SYN3: variants seen among roughly 807,000 people sequenced by gnomAD.
SYN3 encodes the protein synapsin III.
A neutral mutation model predicts 65.8 loss-of-function variants in SYN3; 35 were observed. The ratio of observed to expected loss-of-function variants is 0.53; its 90% CI spans 0.41 to 0.70. The LOEUF (loss-of-function observed/expected upper bound fraction) is 0.70. Ranked by LOEUF, SYN3 falls within the 30% of genes least tolerant of loss-of-function variation. SYN3 has a pLI of 0.00. For synonymous variants in SYN3, 270 were observed against 292.9 expected, an observed-to-expected ratio of 0.92 and a Z score of 0.80; for missense variants, 680 against 749.0, an observed-to-expected ratio of 0.91 and a Z score of 1.08.
chr22:32,855,268 T>C (rs1385849998), intron 6 of SYN3, among the ~76,000 whole-genome samples: 4 of 152,220 alleles, frequency 2.6e-5, no homozygotes, highest in Admixed American at 2.6e-4. Context: ...ACTCATGGAC[T>C]TGACCTGGAA....
chr22:32,610,145 G>A (rs1186103693), intron 6 of SYN3, among the ~76,000 whole-genome samples: 2 of 152,080 alleles, frequency 1.3e-5, no homozygotes, highest in African/African-American at 2.4e-5. Flanking sequence ...GCTGGGTGTG[G>A]TGGTGGGTGC....
chr22:32,711,629 C>T lies in SYN3; in HGVS notation c.712-114893G>A, dbSNP rs1601959423. 2.0e-5 allele frequency among the ~76,000 whole-genome samples: 3 copies of T among 152,162 alleles called. No individual in the cohort carries two copies. The South Asian group carries it at 6.2e-4, about 32-fold the overall frequency. On this transcript the variant is annotated intron_variant, in intron 6 of 13. Coordinates refer to ENST00000358763, the MANE Select transcript of SYN3 (RefSeq NM_003490.4). ...TGTGCACCTGTACTCAAAATAACTG[C>T]CTATGCCTCTTCCTTCTTATCAACT...
intron 13 of SYN3, chr22:32,514,365 G>C (rs187947017): frequency 2.0e-5 from 3 of 152,372 alleles, no homozygotes; most frequent in Non-Finnish European, 4.4e-5. Flanking sequence ...TAGAGCGAAG[G>C]GTTTGTCCTG....
chr22:33,037,624 C>T (rs915780202), intron 1 of SYN3, among the ~76,000 whole-genome samples: 2 of 152,164 alleles, frequency 1.3e-5, no homozygotes, highest in South Asian at 2.1e-4. Flanking sequence ...CCTGATTTTA[C>T]GCTGAAGCAT....
chr22:32,989,925 C>T (rs1229586381), intron 2 of SYN3, among the ~76,000 whole-genome samples: 1 of 151,718 alleles, frequency 6.6e-6, no homozygotes, highest in Non-Finnish European at 1.5e-5. Flanking sequence ...CTCATTCCTA[C>T]AGATGTCTGC....
chr22:32,868,967 A>G lies in SYN3; in HGVS notation c.620T>C (p.Val207Ala), dbSNP rs1569290165. 1 of 1,613,266 alleles carries G rather than the reference A, an allele frequency of 6.2e-7. No homozygotes were observed. Among genetic ancestry groups the G allele is most frequent in the African/African-American group, 1.3e-5 (1 of 74,906 alleles). Residue 207 changes from valine to alanine, a missense_variant and splice_region_variant, in exon 5 of 14, where the codon GTG (valine) becomes GCG (alanine). Val to Ala is a moderately conservative substitution (Grantham distance 64). Transcript: ENST00000358763. ...AGGTCAGCCTGCCCTGTCACCTACCACCCAGGGCTTGCTGCAGAAGTTGTA... is the reference window on the plus strand; with the variant it reads ...AGGTCAGCCTGCCCTGTCACCTACCGCCCAGGGCTTGCTGCAGAAGTTGTA... ...SVYNFCSKPW[V>A]FSQLIKIFHS...
rs368522306 is a variant in SYN3, at chr22:32,559,816, C to T, written c.775-18103G>A. ...CTGCCCTCCAGCCTGGGAGACAGAGCGAGACTCCGTCTCAACAAAAAAAAA... is the reference window on the plus strand; with the variant it reads ...CTGCCCTCCAGCCTGGGAGACAGAGTGAGACTCCGTCTCAACAAAAAAAAA... On this transcript the variant is annotated intron_variant, in intron 7 of 13. Coordinates refer to ENST00000358763, the MANE Select transcript of SYN3 (RefSeq NM_003490.4). Among the ~76,000 whole-genome samples the T allele has an allele frequency of 3.6e-4, 52 of 144,358 alleles. No homozygotes were observed. In the South Asian group the frequency reaches 0.01, roughly 29 times the overall value. The allele number at this position is 144,358 out of a possible 152,430, so 94.7% of individuals were successfully genotyped here. A position where few individuals can be genotyped will look rare whatever the true frequency, so the allele number is the denominator to read the frequency against.
At chr22:33,047,348 G>A (rs2145959494) in intron 1 of SYN3, among the ~76,000 whole-genome samples, 1 of 152,254 alleles carries the variant, frequency 6.6e-6, no homozygotes, top group East Asian at 1.9e-4. Flanking sequence ...ACACCCAAGA[G>A]ACGAACACTC....
chr22:32,989,727 C>T (rs1321836170), intron 2 of SYN3, among the ~76,000 whole-genome samples: 2 of 149,510 alleles, frequency 1.3e-5, no homozygotes, highest in Admixed American at 6.8e-5. Flanking sequence ...CCCAGCTACT[C>T]GGGAGGCTGA....
At chr22:33,039,979 T>A (rs949769152) in intron 1 of SYN3, among the ~76,000 whole-genome samples, 1 of 152,030 alleles carries the variant, frequency 6.6e-6, no homozygotes, top group Non-Finnish European at 1.5e-5. Context: ...AGTGGCTCCA[T>A]CTCTTGTATT....
At position 32,672,959 on chromosome 22, in the gene SYN3, A is replaced by G. The variant is rs2147073901; in HGVS notation, c.712-76223T>C. Among the ~76,000 whole-genome samples, 3 of 152,250 alleles carry G rather than the reference A, an allele frequency of 2.0e-5. No homozygotes were observed. The South Asian group carries it at 6.2e-4, about 32-fold the overall frequency. ...GGCAGAAAGAAGTGGCTGTTGTTTT[A>G]CCAGGGCTGGCACCTGGTTAGGACG... On this transcript the variant is annotated intron_variant, in intron 6 of 13. Coordinates refer to ENST00000358763, the MANE Select transcript of SYN3 (RefSeq NM_003490.4).
At chr22:32,690,014 A>G (rs1337837311) in intron 6 of SYN3, among the ~76,000 whole-genome samples, 1 of 152,154 alleles carries the variant, frequency 6.6e-6, no homozygotes, top group Non-Finnish European at 1.5e-5. Context: ...CGTCTCTACT[A>G]AAAATACAAA....
At chr22:32,601,949 T>C (rs9621506) in intron 6 of SYN3, among the ~76,000 whole-genome samples, 21,314 of 151,590 alleles carry the variant, frequency 0.14, 2,069 homozygotes, top group African/African-American at 0.27. Flanking sequence ...CTTTTCTTTT[T>C]TTTTTTTTGT....
chr22:32,943,951 G>A (rs900718963), intron 3 of SYN3, among the ~76,000 whole-genome samples: 1 of 152,136 alleles, frequency 6.6e-6, no homozygotes, highest in African/African-American at 2.4e-5. Flanking sequence ...CATACAGCAA[G>A]TCCTTAGAGA....
At position 32,627,729 on chromosome 22, in the gene SYN3, A is replaced by AAC. The variant is rs56793697; in HGVS notation, c.712-30995_712-30994dup. ...CATACTTATAGAAAGATCCAGACTG[A>AAC]ACACACACACACACATATGCAGGCT... On this transcript the variant is annotated intron_variant, in intron 6 of 13. Transcript: ENST00000358763. 1.5e-4 allele frequency among the ~76,000 whole-genome samples: 22 copies of AAC among 151,608 alleles called. 1 individual carries two copies. The highest frequency in any genetic ancestry group is 3.4e-3 in the Middle Eastern group (1 of 294).
intron 6 of SYN3, among the ~76,000 whole-genome samples, chr22:32,667,579 G>A (rs1476261906): frequency 6.6e-6 from 1 of 152,000 alleles, no homozygotes; most frequent in Non-Finnish European, 1.5e-5. Flanking sequence ...TGGGTCAAAG[G>A]GGATGCACAT....
chr22:33,017,683 T>C (rs935779116), intron 1 of SYN3, among the ~76,000 whole-genome samples: 1 of 152,146 alleles, frequency 6.6e-6, no homozygotes, highest in East Asian at 1.9e-4. Context: ...GTTGTTAGTA[T>C]AAAAAAATGC....
intron 4 of SYN3, among the ~76,000 whole-genome samples, chr22:32,881,483 G>C (rs1213259001): frequency 2.0e-5 from 3 of 152,174 alleles, no homozygotes; most frequent in Non-Finnish European, 4.4e-5. Context: ...CTCCCAAGCT[G>C]CTTCCTCAGT....
intron 6 of SYN3, among the ~76,000 whole-genome samples, chr22:32,768,027 C>A (rs2045673676): frequency 6.6e-6 from 1 of 152,050 alleles, no homozygotes; most frequent in Non-Finnish European, 1.5e-5. Flanking sequence ...GAGACATTTT[C>A]TTCTATTATA....
Sources: allele counts gnomAD v4.1 joint callset (sites outside exome capture counted in the v4.1 genomes callset), GRCh38; gene constraint gnomAD v4.1.1; transcripts MANE v1.5; gene names NCBI Gene and HGNC (gene_info 2026-07-23, HGNC 2026-07-21).